Variants in TBC1D19 observed in about 807,000 individuals in gnomAD.
TBC1D19 encodes the protein TBC1 domain family, member 19.
A neutral mutation model predicts 89.0 loss-of-function variants in TBC1D19; 60 were observed. The observed-to-expected ratio is 0.67, with a 90% CI of 0.55 to 0.84. TBC1D19 has a LOEUF of 0.84. Ranked by LOEUF, TBC1D19 falls within the 40% of genes least tolerant of loss-of-function variation. The pLI is 0.00. For missense variants in TBC1D19, 500 were observed against 610.8 expected, an observed-to-expected ratio of 0.82 and a Z score of 1.91; for synonymous variants, 189 against 199.7, an observed-to-expected ratio of 0.95 and a Z score of 0.45.
chr4:26,658,588 A>G (rs546163752), intron 7 of TBC1D19, among the ~76,000 whole-genome samples: 1 of 152,296 alleles, frequency 6.6e-6, no homozygotes, highest in African/African-American at 2.4e-5. Flanking sequence ...TTGGTTCCAT[A>G]TGAAGTTTAA....
At chr4:26,740,745 A>C in intron 17 of TBC1D19, 1 of 985,322 alleles carries the variant, frequency 1.0e-6, no homozygotes, top group South Asian at 4.7e-5. Flanking sequence ...TGAAACATTC[A>C]ATTGGAATAT....
At chr4:26,614,496 A>C in intron 3 of TBC1D19, 43 bp downstream of exon 3, 1 of 1,434,334 alleles carries the variant, frequency 7.0e-7, no homozygotes, top group Non-Finnish European at 9.6e-7. Context: ...TTGTTTAGCT[A>C]TATTTACTTT....
chr4:26,800,829 C>A, the TBC1D19 span, among the ~76,000 whole-genome samples: 288 of 150,072 alleles, frequency 1.9e-3, no homozygotes, highest in African/African-American at 6.6e-3. Context: ...CTGTTCATAT[C>A]CTTCGCCCAC....
chr4:26,833,027 A>AT, the TBC1D19 span, among the ~76,000 whole-genome samples: 1 of 152,186 alleles, frequency 6.6e-6, no homozygotes, highest in African/African-American at 2.4e-5. Context: ...CAAAAAACAA[A>AT]TATACCACAT....
intron 7 of TBC1D19, among the ~76,000 whole-genome samples, chr4:26,655,347 C>G (rs553318817): frequency 6.6e-6 from 1 of 152,192 alleles, no homozygotes; most frequent in African/African-American, 2.4e-5. Flanking sequence ...GCAGTCTATC[C>G]GTTCTCAGAT....
chr4:26,591,657 T>G (rs1193066708), intron 1 of TBC1D19, among the ~76,000 whole-genome samples: 2 of 152,068 alleles, frequency 1.3e-5, no homozygotes, highest in African/African-American at 2.4e-5. Context: ...AAAGGGGATA[T>G]CACCACTGAT....
chr4:26,649,318 G>A (rs1051733975), intron 7 of TBC1D19, among the ~76,000 whole-genome samples: 2 of 151,932 alleles, frequency 1.3e-5, no homozygotes, highest in Non-Finnish European at 2.9e-5. Context: ...TCCTCCACTA[G>A]ATTCTTTTTT....
In TBC1D19 at chr4:26,683,722, C is replaced by G; in HGVS notation, c.864C>G (p.Asp288Glu). The G allele has an allele frequency of 6.2e-7, 1 of 1,612,720 alleles. No homozygotes were observed. The highest frequency in any genetic ancestry group is 8.5e-7 in the Non-Finnish European group (1 of 1,179,494). ...EQLKTNVIQHDLLVDSLIYKD... is the reference protein window; with the variant it reads ...EQLKTNVIQHELLVDSLIYKD... ...TTAAGACCAATGTGATACAACATGA[C>G]CTTTTGGTGGACAGTCTAATCTATA... is the stretch of plus-strand genomic sequence containing the variant. The change falls in exon 12 of 21, where the codon GAC becomes GAG. Residue 288 changes from aspartate to glutamate, a missense_variant. Coordinates refer to ENST00000264866, the MANE Select transcript of TBC1D19 (RefSeq NM_018317.4).
the TBC1D19 span, among the ~76,000 whole-genome samples, chr4:26,843,416 G>A: frequency 6.6e-6 from 1 of 151,834 alleles, no homozygotes. Context: ...TCAGAGGTTG[G>A]GATTCAACAT....
the TBC1D19 span, among the ~76,000 whole-genome samples, chr4:26,800,076 AACATGT>A: frequency 2.0e-5 from 3 of 152,114 alleles, no homozygotes; most frequent in East Asian, 5.8e-4. Flanking sequence ...TACATATGTA[AACATGT>A]GCCATGTTGG....
At chr4:26,672,081 C>G in intron 9 of TBC1D19, 68 bp from the exon 10 acceptor site, 1 of 750,308 alleles carries the variant, frequency 1.3e-6, no homozygotes, top group Non-Finnish European at 1.9e-6. Context: ...AAAAATGTAT[C>G]TAATGTTGTT....
intron 7 of TBC1D19, among the ~76,000 whole-genome samples, chr4:26,654,305 C>G (rs924058797): frequency 1.3e-5 from 2 of 152,146 alleles, no homozygotes; most frequent in African/African-American, 4.8e-5. Flanking sequence ...CTGCCCTTAA[C>G]ATATTTTCCT....
chr4:26,825,794 G>A, the TBC1D19 span, among the ~76,000 whole-genome samples: 12 of 152,214 alleles, frequency 7.9e-5, no homozygotes, highest in African/African-American at 2.7e-4. Context: ...AGGGTTAATA[G>A]TATCTCCTTC....
intron 15 of TBC1D19, among the ~76,000 whole-genome samples, chr4:26,729,147 C>T (rs1185548957): frequency 6.6e-6 from 1 of 152,170 alleles, no homozygotes; most frequent in Non-Finnish European, 1.5e-5. Context: ...TTAGATAATA[C>T]ATCAGAGGCA....
At chr4:26,842,340 C>CTTTTCT in the TBC1D19 span, among the ~76,000 whole-genome samples, 11 of 81,576 alleles carry the variant, frequency 1.3e-4, no homozygotes, top group East Asian at 1.5e-3. Context: ...CTTTTCTTTT[C>CTTTTCT]TTTTTTTTTT....
chr4:26,729,308 A>G (rs890885448), intron 15 of TBC1D19, among the ~76,000 whole-genome samples: 3 of 152,220 alleles, frequency 2.0e-5, no homozygotes, highest in African/African-American at 7.2e-5. Context: ...TTCTGTACCT[A>G]TGATTTACTC....
chr4:26,852,410 A>G, the TBC1D19 span, among the ~76,000 whole-genome samples: 39 of 152,186 alleles, frequency 2.6e-4, 2 homozygotes, highest in Admixed American at 2.6e-3. Context: ...TACAAAAATT[A>G]GCTGGGTGTG....
At chr4:26,666,776 A>C (rs144206609) in intron 9 of TBC1D19, among the ~76,000 whole-genome samples, 3 of 152,130 alleles carry the variant, frequency 2.0e-5, no homozygotes, top group African/African-American at 7.2e-5. Flanking sequence ...TTAGGCTTTA[A>C]AAATAGTGTG....
chr4:26,775,515 G>A, the TBC1D19 span, among the ~76,000 whole-genome samples: 16 of 152,202 alleles, frequency 1.1e-4, no homozygotes, highest in Non-Finnish European at 2.1e-4. Context: ...GGGACTTTAA[G>A]AGATGATTAG....
Sources: gnomAD v4.1 joint callset for allele counts (sites outside exome capture counted in the v4.1 genomes callset) on GRCh38, gnomAD v4.1.1 for gene constraint, MANE v1.5 for transcripts, NCBI Gene and HGNC (gene_info 2026-07-23, HGNC 2026-07-21) for gene names.